PRKCA: variants seen among roughly 807,000 people sequenced by gnomAD.
The protein encoded by PRKCA is protein kinase C alpha.
In PRKCA, 27 loss-of-function variants were observed where a neutral mutation model predicts 87.0. The observed-to-expected ratio is 0.31, with a 90% CI of 0.23 to 0.43. The LOEUF is 0.43. Among genes scored for constraint, PRKCA ranks in the 20% least tolerant of loss-of-function variants. The pLI is 1.00. For synonymous variants in PRKCA, 329 were observed against 311.1 expected (o/e 1.06, Z -0.61); for missense variants, 518 against 852.3 (o/e 0.61, Z 4.88).
intron 2 of PRKCA, among the ~76,000 whole-genome samples, chr17:66,356,231 C>T (rs1439496203): frequency 2.0e-5 from 3 of 152,048 alleles, no homozygotes; most frequent in Non-Finnish European, 4.4e-5. Context: ...TTTAAAATAC[C>T]TGAACAGTGA....
At chr17:66,361,089 C>T (rs1289358841) in intron 2 of PRKCA, among the ~76,000 whole-genome samples, 1 of 151,514 alleles carries the variant, frequency 6.6e-6, no homozygotes, top group Non-Finnish European at 1.5e-5. Context: ...CATGATGCGG[C>T]CTTGGTTGCT....
chr17:66,778,467 G>A (rs576986821), intron 14 of PRKCA, among the ~76,000 whole-genome samples: 1 of 152,314 alleles, frequency 6.6e-6, no homozygotes, highest in African/African-American at 2.4e-5. Context: ...AGTGAGCCGA[G>A]ATCGCGCCAC....
chr17:66,591,648 T>C (rs1175624776), intron 3 of PRKCA, among the ~76,000 whole-genome samples: 1 of 152,144 alleles, frequency 6.6e-6, no homozygotes, highest in Non-Finnish European at 1.5e-5. Context: ...TTATAGGCCA[T>C]GAGGATTTGC....
chr17:66,396,701 T>G (rs1398522706), intron 2 of PRKCA, among the ~76,000 whole-genome samples: 1 of 149,770 alleles, frequency 6.7e-6, no homozygotes, highest in Admixed American at 6.7e-5. Flanking sequence ...CGATCTCCGC[T>G]CACTGCAACC....
intron 3 of PRKCA, among the ~76,000 whole-genome samples, chr17:66,568,229 A>G (rs575945704): frequency 6.6e-6 from 1 of 152,274 alleles, no homozygotes; most frequent in South Asian, 2.1e-4. Flanking sequence ...CATGAGAATC[A>G]CTTGAACCCC....
At chr17:66,361,436 C>T (rs769458184) in intron 2 of PRKCA, among the ~76,000 whole-genome samples, 4 of 151,622 alleles carry the variant, frequency 2.6e-5, no homozygotes, top group Non-Finnish European at 5.9e-5. Flanking sequence ...CTCAGTCTCT[C>T]GAGTAGCTGG....
intron 3 of PRKCA, among the ~76,000 whole-genome samples, chr17:66,613,144 C>G (rs559764180): frequency 1.3e-5 from 2 of 152,310 alleles, no homozygotes; most frequent in East Asian, 3.9e-4. Context: ...GCCGACTTTT[C>G]TCACCTCAAT....
chr17:66,389,648 C>T (rs1598633161), intron 2 of PRKCA, among the ~76,000 whole-genome samples: 1 of 152,208 alleles, frequency 6.6e-6, no homozygotes, highest in Non-Finnish European at 1.5e-5. Context: ...CTGGCATGCC[C>T]ATCGTGCTCT....
At position 66,592,493 on chromosome 17, in the gene PRKCA, T is replaced by G. The variant is rs555175687; in HGVS notation, c.289-48862T>G. Among the ~76,000 whole-genome samples the G allele has an allele frequency of 2.0e-5, 3 of 152,080 alleles. No homozygotes were observed. In the East Asian group the frequency reaches 5.8e-4, roughly 29 times the overall value. On this transcript the variant is annotated intron_variant, in intron 3 of 16. Coordinates refer to ENST00000413366, the MANE Select transcript of PRKCA (RefSeq NM_002737.3). The stretch of plus-strand genomic sequence containing the variant: ...TTTCCAAAGACTATATAAATTAATT[T>G]CATGTAAAACTTCCTCCTTTGTTCT...
intron 2 of PRKCA, among the ~76,000 whole-genome samples, chr17:66,337,198 G>A (rs919090538): frequency 6.6e-6 from 1 of 152,132 alleles, no homozygotes; most frequent in Admixed American, 6.5e-5. Context: ...GGGCAGGCAG[G>A]GAGGTTACAT....
At chr17:66,337,535 G>T (rs549324494) in intron 2 of PRKCA, among the ~76,000 whole-genome samples, 3 of 152,048 alleles carry the variant, frequency 2.0e-5, no homozygotes, top group African/African-American at 7.2e-5. Flanking sequence ...GACTACCGGT[G>T]GTTGCCACCA....
chr17:66,466,874 TAA>T (rs113767550), intron 2 of PRKCA, among the ~76,000 whole-genome samples: 3 of 145,598 alleles, frequency 2.1e-5, no homozygotes. Flanking sequence ...TTCCTTCATT[TAA>T]AAAAAAAAAA....
intron 2 of PRKCA, among the ~76,000 whole-genome samples, chr17:66,341,020 C>T (rs552317464): frequency 2.6e-5 from 4 of 152,238 alleles, no homozygotes; most frequent in Admixed American, 2.0e-4. Flanking sequence ...TTGATTATTA[C>T]GGATCTGAAA....
At chr17:66,375,482 T>G (rs61282446) in intron 2 of PRKCA, among the ~76,000 whole-genome samples, 7,320 of 152,058 alleles carry the variant, frequency 0.048, 224 homozygotes, top group African/African-American at 0.079. Flanking sequence ...GCTGATCCCC[T>G]TACCTCTGAA....
intron 8 of PRKCA, among the ~76,000 whole-genome samples, chr17:66,728,522 G>C (rs1336263992): frequency 1.3e-5 from 2 of 152,260 alleles, no homozygotes; most frequent in African/African-American, 4.8e-5. Flanking sequence ...ATTGATTTGA[G>C]ACCTGAGGCC....
chr17:66,478,596 T>C (rs1392457250), intron 2 of PRKCA, among the ~76,000 whole-genome samples: 1 of 152,150 alleles, frequency 6.6e-6, no homozygotes, highest in Non-Finnish European at 1.5e-5. Context: ...TAAAACACTT[T>C]AGGATCTTGC....
rs543986632 is a variant in PRKCA at position 66,569,561 on chromosome 17, C to T, written c.289-71794C>T. 2.1e-4 allele frequency among the ~76,000 whole-genome samples: 32 copies of T among 151,574 alleles called. No individual in the cohort carries two copies. The South Asian group carries it at 6.5e-3, about 31-fold the overall frequency. The stretch of plus-strand genomic sequence containing the variant: ...TCCAGCCTGAGCAAGAAGAGTGAAA[C>T]TCCATCTCAAAAAAAAAGAAAACCT... On this transcript the variant is annotated intron_variant, in intron 3 of 16. Coordinates refer to ENST00000413366, the MANE Select transcript of PRKCA (RefSeq NM_002737.3).
Position 66,406,585 on chromosome 17 carries a change from GTTTTT to G in PRKCA, c.206-89596_206-89592del, listed in dbSNP as rs71160568. Reference sequence around the variant, plus strand: ...TCATGTAGCATTGTAGCTTTTCCAGGTTTTTTTTTTTTTTTTTTTTTTTTAAATGT... The same window carrying G: ...TCATGTAGCATTGTAGCTTTTCCAGGTTTTTTTTTTTTTTTTTTTAAATGT... On this transcript the variant is annotated intron_variant, in intron 2 of 16. Coordinates refer to ENST00000413366, the MANE Select transcript of PRKCA (RefSeq NM_002737.3). Among the ~76,000 whole-genome samples the G allele has an allele frequency of 9.8e-4, 69 of 70,188 alleles. 8 individuals carry two copies. Among genetic ancestry groups the G allele is most frequent in the East Asian group, 7.9e-3 (16 of 2,016 alleles). The allele number at this position is 70,188 out of a possible 152,430, so 46.0% of individuals were successfully genotyped here. A position where few individuals can be genotyped will look rare whatever the true frequency, so the allele number is the denominator to read the frequency against.
intron 3 of PRKCA, among the ~76,000 whole-genome samples, chr17:66,581,756 T>G (rs1480250214): frequency 2.0e-5 from 3 of 152,250 alleles, no homozygotes; most frequent in African/African-American, 7.2e-5. Context: ...ATTACAGGCA[T>G]GAGCCACCGT....
Sources: allele counts gnomAD v4.1 joint callset (sites outside exome capture counted in the v4.1 genomes callset), GRCh38; gene constraint gnomAD v4.1.1; transcripts MANE v1.5; gene names NCBI Gene and HGNC (gene_info 2026-07-23, HGNC 2026-07-21).